The following OR8J1 variants were observed in gnomAD, a reference collection of about 807,000 sequenced individuals.
OR8J1 encodes olfactory receptor 8J1.
For missense variants in OR8J1, 400 were observed against 373.0 expected, an observed-to-expected ratio of 1.07 and a Z score of -0.60; for synonymous variants, 157 against 144.3, an observed-to-expected ratio of 1.09 and a Z score of -0.63.
intron 1 of OR8J1, among the ~76,000 whole-genome samples, chr11:56,358,785 G>A (rs1171504525): frequency 6.6e-6 from 1 of 151,994 alleles, no homozygotes; most frequent in Non-Finnish European, 1.5e-5. Flanking sequence ...TAAAACAAGG[G>A]ATAACTAGTT....
intron 1 of OR8J1, among the ~76,000 whole-genome samples, 172 bp from the exon 2 acceptor site, chr11:56,360,055 T>A (rs1285079308): frequency 6.6e-6 from 1 of 152,214 alleles, no homozygotes; most frequent in Non-Finnish European, 1.5e-5. Flanking sequence ...GATCTTTCTG[T>A]CTCTGAAATA....
At position 56,360,755 on chromosome 11, in the gene OR8J1, C is replaced by G. The variant is rs763347787; in HGVS notation, c.509C>G (p.Ser170Cys). 1 of 1,597,560 alleles carries G rather than the reference C, an allele frequency of 6.3e-7. No homozygotes were observed. The highest frequency in any genetic ancestry group is 8.5e-7 in the Non-Finnish European group (1 of 1,174,774). Residue 170 changes from serine to cysteine, a missense_variant, in exon 2 of 2, where the codon TCT becomes TGT. Ser to Cys is a moderately radical substitution (Grantham distance 112). Coordinates refer to ENST00000533152, the MANE Select transcript of OR8J1 (RefSeq NM_001005205.3). ...SSYVFSVSYC[S>C]SNIINHFYCD... is the part of the protein sequence containing the mutation. ...TATGTATTCTCTGTGTCTTATTGCT[C>G]TTCTAATATAATCAATCATTTTTAC... is the stretch of plus-strand genomic sequence containing the variant.
At chr11:56,357,345 G>C (rs1164399952) in intron 1 of OR8J1, 4 of 661,294 alleles carry the variant, frequency 6.0e-6, no homozygotes, top group East Asian at 2.7e-5. Context: ...AAGTTGTTAA[G>C]AGTAAGGCCT....
Position 56,357,485 on chromosome 11 carries a change from T to C in OR8J1, c.-20-2742T>C, listed in dbSNP as rs1854984665. On this transcript the variant is annotated intron_variant, in intron 1 of 1. Transcript: ENST00000533152. The stretch of plus-strand genomic sequence containing the variant: ...CACCCAAATACTGGATGATAGTTCA[T>C]GTAATAAACAGATATATCATTTGTC... 8.1e-6 allele frequency: 7 copies of C among 861,744 alleles called. No homozygotes were observed. The South Asian group carries it at 9.3e-5, about 11-fold the overall frequency. The allele number at this position is 861,744 out of a possible 1,614,324, so 53.4% of individuals were successfully genotyped here.
chr11:56,359,237 AG>A (rs1258030389), intron 1 of OR8J1, among the ~76,000 whole-genome samples: 1 of 152,132 alleles, frequency 6.6e-6, no homozygotes, highest in African/African-American at 2.4e-5. Flanking sequence ...AAAGAACTCA[AG>A]GGAAATATTT....
At chr11:56,356,264 T>C (rs1854966710) in intron 1 of OR8J1, among the ~76,000 whole-genome samples, 1 of 152,186 alleles carries the variant, frequency 6.6e-6, no homozygotes, top group Non-Finnish European at 1.5e-5. Context: ...AAAGTATTCA[T>C]AGAAATTAGC....
chr11:56,354,604 G>A (rs1325389623), intron 1 of OR8J1, among the ~76,000 whole-genome samples: 1 of 152,106 alleles, frequency 6.6e-6, no homozygotes, highest in Non-Finnish European at 1.5e-5. Flanking sequence ...ACTAGGAATT[G>A]CTGCTCATAG....
chr11:56,356,156 A>T (rs970277041), intron 1 of OR8J1, among the ~76,000 whole-genome samples: 2 of 152,224 alleles, frequency 1.3e-5, no homozygotes, highest in African/African-American at 4.8e-5. Flanking sequence ...AACCATAAAG[A>T]ATCATAACAT....
chr11:56,360,750 T>C lies in OR8J1; in HGVS notation c.504T>C (p.Tyr168=), dbSNP rs11823483. ...CATCTTATGTATTCTCTGTGTCTTA[T>C]TGCTCTTCTAATATAATCAATCATT... ...VVSSYVFSVS[Y]CSSNIINHFY... The change falls in exon 2 of 2, where the codon TAT becomes TAC. Residue 168 remains tyrosine (Y), a synonymous_variant. Transcript: ENST00000533152. 8.2e-3 allele frequency: 13,135 copies of C among 1,603,086 alleles called. 945 individuals carry two copies. In the African/African-American group the frequency reaches 0.15, roughly 19 times the overall value.
At chr11:56,355,276 T>C (rs1437937785) in intron 1 of OR8J1, among the ~76,000 whole-genome samples, 4 of 151,404 alleles carry the variant, frequency 2.6e-5, no homozygotes, top group Non-Finnish European at 4.4e-5. Context: ...AATATATATA[T>C]ATATATTTAA....
intron 1 of OR8J1, among the ~76,000 whole-genome samples, chr11:56,356,498 G>T (rs1288800316): frequency 6.6e-6 from 1 of 152,112 alleles, no homozygotes; most frequent in Admixed American, 6.5e-5. Flanking sequence ...TAGACTGAAA[G>T]CTACAGACAG....
At chr11:56,354,800 G>A (rs1037566408) in intron 1 of OR8J1, among the ~76,000 whole-genome samples, 3 of 152,138 alleles carry the variant, frequency 2.0e-5, no homozygotes, top group South Asian at 2.1e-4. Context: ...ATGTGGTAAT[G>A]TACAAGCAAA....
chr11:56,357,673 A>C, intron 1 of OR8J1: 2 of 1,576,280 alleles, frequency 1.3e-6, no homozygotes, highest in Non-Finnish European at 1.7e-6. Context: ...GGCATGGACA[A>C]GATCTATGAA....
chr11:56,354,553 C>T (rs1478839357), intron 1 of OR8J1, among the ~76,000 whole-genome samples: 1 of 152,122 alleles, frequency 6.6e-6, no homozygotes, highest in Non-Finnish European at 1.5e-5. Context: ...GAAATGGCAT[C>T]ATTATGTCTC....
At chr11:56,360,167 A>T in intron 1 of OR8J1, 60 bp from the exon 2 acceptor site, 1 of 1,119,374 alleles carries the variant, frequency 8.9e-7, no homozygotes, top group Admixed American at 2.4e-5. Flanking sequence ...TCCTAGCCAT[A>T]TAAGGGCAGT....
In OR8J1 at chr11:56,360,685, C is replaced by T. The variant is rs1487481909; in HGVS notation, c.439C>T (p.Leu147Phe). The T allele has an allele frequency of 2.5e-6, 4 of 1,612,448 alleles. No individual in the cohort carries two copies. The highest frequency in any genetic ancestry group is 1.7e-4 in the Middle Eastern group (1 of 6,020). The part of the protein sequence containing the change: ...SRRLCLLLVS[L>F]TYLYGFSTAI... ...GCGGCTCTGCCTCCTGCTGGTCTCCCTCACATACCTCTATGGCTTTTCTAC... is the reference window on the plus strand; with the variant it reads ...GCGGCTCTGCCTCCTGCTGGTCTCCTTCACATACCTCTATGGCTTTTCTAC... Residue 147 changes from leucine (L) to phenylalanine (F), a missense_variant, in exon 2 of 2, where the codon CTC becomes TTC. Coordinates refer to ENST00000533152, the MANE Select transcript of OR8J1 (RefSeq NM_001005205.3).
intron 1 of OR8J1, among the ~76,000 whole-genome samples, chr11:56,356,225 AAGT>A: frequency 6.6e-6 from 1 of 152,330 alleles, no homozygotes; most frequent in African/African-American, 2.4e-5. Context: ...TGCTCTAAGG[AAGT>A]AGAAGAGGGA....
chr11:56,355,377 T>C (rs1031146170), intron 1 of OR8J1, among the ~76,000 whole-genome samples: 28 of 152,230 alleles, frequency 1.8e-4, no homozygotes, highest in African/African-American at 6.7e-4. Flanking sequence ...GGCTTACTAC[T>C]GTAATCCCAG....
intron 1 of OR8J1, among the ~76,000 whole-genome samples, chr11:56,355,293 G>T (rs1286830522): frequency 6.6e-6 from 1 of 151,396 alleles, no homozygotes; most frequent in Non-Finnish European, 1.5e-5. Context: ...TTAAATTAAA[G>T]TCTATTTTTG....
Sources: allele counts gnomAD v4.1 joint callset (sites outside exome capture counted in the v4.1 genomes callset), GRCh38; gene constraint gnomAD v4.1.1; transcripts MANE v1.5; gene names NCBI Gene and HGNC (gene_info 2026-07-23, HGNC 2026-07-21).